The following MROH2B variants were observed in gnomAD, a reference collection of about 807,000 sequenced individuals.
MROH2B encodes maestro heat like repeat family member 2B.
Under a neutral mutation model 208.6 loss-of-function variants are expected in MROH2B, and 177 were observed. The observed-to-expected ratio is 0.85, with a 90% CI of 0.75 to 0.96. The LOEUF is 0.96. Among genes scored for constraint, MROH2B ranks in the 40% least tolerant of loss-of-function variants. The probability of loss-of-function intolerance (pLI) is 0.00; values close to 1 mark genes in which losing one functional copy is unlikely to be tolerated. For synonymous variants in MROH2B, 728 were observed against 659.0 expected (o/e 1.10, Z -1.60); for missense variants, 2,002 against 1,878.7 (o/e 1.07, Z -1.21).
intron 24 of MROH2B, among the ~76,000 whole-genome samples, chr5:41,027,451 C>T (rs1226016065): frequency 2.0e-5 from 3 of 152,168 alleles, no homozygotes; most frequent in South Asian, 4.1e-4. Flanking sequence ...CTCATCATCA[C>T]TGGCCATCAG....
At chr5:41,021,337 T>G (rs1372222228) in intron 24 of MROH2B, among the ~76,000 whole-genome samples, 1 of 152,216 alleles carries the variant, frequency 6.6e-6, no homozygotes, top group Non-Finnish European at 1.5e-5. Context: ...TAAACAATAT[T>G]GTAAAGATGA....
chr5:41,025,257 GA>G (rs1742309878), intron 24 of MROH2B, among the ~76,000 whole-genome samples: 1 of 151,874 alleles, frequency 6.6e-6, no homozygotes, highest in Non-Finnish European at 1.5e-5. Context: ...CTGGTTTTTT[GA>G]AAAGATCAAC....
rs1741323045 is a variant in MROH2B at position 40,999,708 on chromosome 5, C to T, written c.4554G>A (p.Glu1518=). The T allele has an allele frequency of 2.5e-5, 41 of 1,613,444 alleles. No individual in the cohort carries two copies. The highest frequency in any genetic ancestry group is 3.3e-5 in the Non-Finnish European group (39 of 1,179,582). ...HSFTFFTSTW[E]VIRSAAVKLT... ...GTTTGACAGCTGCACTCCTGATCACCTCCCAGGTGCTGGTGAAGAAGGTGA... is the reference window on the plus strand; with the variant it reads ...GTTTGACAGCTGCACTCCTGATCACTTCCCAGGTGCTGGTGAAGAAGGTGA... Residue 1518 remains glutamate, a synonymous_variant, in exon 40 of 42, where the codon GAG becomes GAA. Transcript: ENST00000399564.
intron 16 of MROH2B, 45 bp downstream of exon 16, chr5:41,048,279 A>G (rs1473880426): frequency 1.3e-5 from 20 of 1,547,062 alleles, no homozygotes; most frequent in Non-Finnish European, 1.6e-5. Flanking sequence ...TTATTTCTTT[A>G]TGTTCTTGCC....
At chr5:41,054,727 T>C (rs2150178021) in intron 11 of MROH2B, 40 bp downstream of exon 11, 1 of 1,458,666 alleles carries the variant, frequency 6.9e-7, no homozygotes, top group East Asian at 2.3e-5. Context: ...CATTCATTCT[T>C]AAAGCTACCA....
At chr5:41,012,527 G>A in intron 30 of MROH2B, 56 bp downstream of exon 30, 1 of 1,555,310 alleles carries the variant, frequency 6.4e-7, no homozygotes, top group Non-Finnish European at 8.7e-7. Flanking sequence ...TGGCTGACTT[G>A]GCATTTCAGA....
At chr5:41,069,392 C>T (rs1195171488) in intron 2 of MROH2B, among the ~76,000 whole-genome samples, 2 of 152,156 alleles carry the variant, frequency 1.3e-5, no homozygotes, top group Admixed American at 6.5e-5. Flanking sequence ...ATAAAAGAAA[C>T]AGTCTCATCC....
chr5:41,030,872 C>T (rs1286767453), intron 24 of MROH2B, among the ~76,000 whole-genome samples: 1 of 151,918 alleles, frequency 6.6e-6, no homozygotes, highest in Non-Finnish European at 1.5e-5. Flanking sequence ...TTAAAAATGG[C>T]TGATTATAAA....
intron 17 of MROH2B, among the ~76,000 whole-genome samples, chr5:41,046,479 A>G (rs1411806590): frequency 1.3e-5 from 2 of 151,950 alleles, no homozygotes; most frequent in Non-Finnish European, 2.9e-5. Context: ...TGCAATATAT[A>G]TATTATCTCT....
chr5:41,014,158 T>C (rs1195699322), intron 29 of MROH2B, among the ~76,000 whole-genome samples: 1 of 152,184 alleles, frequency 6.6e-6, no homozygotes, highest in Non-Finnish European at 1.5e-5. Context: ...TGCTGGATCC[T>C]TTACTGCTAC....
At chr5:41,030,762 T>C (rs919037894) in intron 24 of MROH2B, among the ~76,000 whole-genome samples, 2 of 152,054 alleles carry the variant, frequency 1.3e-5, no homozygotes, top group Non-Finnish European at 2.9e-5. Flanking sequence ...GGTATAAAAA[T>C]AGGCACTTAG....
intron 24 of MROH2B, among the ~76,000 whole-genome samples, chr5:41,024,051 G>C (rs1742258063): frequency 6.6e-6 from 1 of 152,124 alleles, no homozygotes; most frequent in African/African-American, 2.4e-5. Flanking sequence ...ACATGGTAAA[G>C]AACAACCAGT....
chr5:41,014,216 T>C (rs922818886), intron 29 of MROH2B, among the ~76,000 whole-genome samples: 1 of 152,234 alleles, frequency 6.6e-6, no homozygotes, highest in Non-Finnish European at 1.5e-5. Flanking sequence ...ATGTCTACAT[T>C]ATGAATGATG....
chr5:41,067,633 G>C (rs547860212), intron 2 of MROH2B, among the ~76,000 whole-genome samples: 5 of 152,274 alleles, frequency 3.3e-5, no homozygotes, highest in African/African-American at 1.2e-4. Flanking sequence ...CTCCCAAAGT[G>C]CTGGGATTAC....
chr5:41,070,512 G>T (rs898503425), intron 1 of MROH2B, among the ~76,000 whole-genome samples: 1 of 152,078 alleles, frequency 6.6e-6, no homozygotes, highest in African/African-American at 2.4e-5. Context: ...GAAATTGGGA[G>T]AAATACTTCC....
At chr5:41,030,783 C>A (rs1194475240) in intron 24 of MROH2B, among the ~76,000 whole-genome samples, 4 of 151,984 alleles carry the variant, frequency 2.6e-5, no homozygotes, top group Non-Finnish European at 5.9e-5. Flanking sequence ...ACTGATGGAA[C>A]AGAATAGAGA....
At position 41,038,791 on chromosome 5, in the gene MROH2B, C is replaced by T. The variant is rs754174141; in HGVS notation, c.2159G>A (p.Arg720Lys). The change falls in exon 21 of 42, where the codon AGA becomes AAA. Residue 720 changes from arginine (R) to lysine (K), a missense_variant. Transcript: ENST00000399564. ...TTGGGATATGATATCTTGATTAAGT[C>T]TGGAGAGAAGTTGCTTCTTGGGAGC... ...LHAPKKQLLS[R>K]LNQDIISQVL... 1 of 1,613,642 alleles carries T rather than the reference C, an allele frequency of 6.2e-7. No individual in the cohort carries two copies. The highest frequency in any genetic ancestry group is 1.1e-5 in the South Asian group (1 of 91,032).
rs376854395 is a variant in MROH2B at position 41,057,119 on chromosome 5, A to G, written c.909T>C (p.Phe303=). The G allele has an allele frequency of 3.7e-6, 6 of 1,613,930 alleles. No homozygotes were observed. In the African/African-American group the frequency reaches 6.7e-5, roughly 18 times the overall value. ...KENEMKASSC[F]LILAHSNPGE... is the part of the protein sequence containing the mutation. ...GGATGCTGGTCCTACCTAGAATGAG[A>G]AAACAGCTTGAAGCTTTCATTTCAT... Residue 303 remains phenylalanine, a synonymous_variant, in exon 9 of 42, where the codon TTT becomes TTC. Coordinates refer to ENST00000399564, the MANE Select transcript of MROH2B (RefSeq NM_173489.5).
At chr5:41,006,224 A>T (rs1741587368) in intron 34 of MROH2B, among the ~76,000 whole-genome samples, 1 of 152,154 alleles carries the variant, frequency 6.6e-6, no homozygotes, top group Non-Finnish European at 1.5e-5. Context: ...GCCAACAAAC[A>T]TATGGAAAAA....
Sources: allele counts gnomAD v4.1 joint callset (sites outside exome capture counted in the v4.1 genomes callset), GRCh38; gene constraint gnomAD v4.1.1; transcripts MANE v1.5; gene names NCBI Gene and HGNC (gene_info 2026-07-23, HGNC 2026-07-21).